Variants in RSU1 observed in about 807,000 individuals in gnomAD.
RSU1 encodes rsu-1.
Under a neutral mutation model 31.1 loss-of-function variants are expected in RSU1, and 26 were observed. That is an observed-to-expected ratio of 0.84 (90% CI 0.61 to 1.16). The LOEUF is 1.16. Among genes scored for constraint, RSU1 ranks in the 50% most tolerant of loss-of-function variants. The pLI is 0.00. For missense variants in RSU1, 320 were observed against 339.1 expected (o/e 0.94, Z 0.44); for synonymous variants, 164 against 136.3 (o/e 1.20, Z -1.41).
At chr10:16,646,134 C>G (rs1834566593) in intron 8 of RSU1, among the ~76,000 whole-genome samples, 1 of 142,146 alleles carries the variant, frequency 7.0e-6, no homozygotes, top group African/African-American at 3.0e-5. Flanking sequence ...ACAACTACAA[C>G]AAAAGCAACA....
chr10:16,734,851 T>C (rs1433454625), intron 7 of RSU1, among the ~76,000 whole-genome samples: 1 of 152,158 alleles, frequency 6.6e-6, no homozygotes, highest in Non-Finnish European at 1.5e-5. Flanking sequence ...GATGATTTAG[T>C]TAAAATGAGG....
chr10:16,618,208 G>A (rs1834011471), intron 8 of RSU1, among the ~76,000 whole-genome samples: 3 of 152,156 alleles, frequency 2.0e-5, no homozygotes, highest in Non-Finnish European at 4.4e-5. Flanking sequence ...CATTTATGCA[G>A]CCAACAAACA....
chr10:16,786,270 A>G (rs1029847169), intron 2 of RSU1, among the ~76,000 whole-genome samples: 1 of 152,182 alleles, frequency 6.6e-6, no homozygotes, highest in Non-Finnish European at 1.5e-5. Context: ...ATTTTAGCTG[A>G]CGGGTTATAA....
At position 16,763,818 on chromosome 10, in the gene RSU1, C is replaced by A. The variant is rs181474575; in HGVS notation, c.281+572G>T. On this transcript the variant is annotated intron_variant, in intron 4 of 8. Transcript: ENST00000345264. ...GAGGGTCAAGTGCTGCAAAGCAATACACAAAAATAGATTATCATTATTATT... is the reference window on the plus strand; with the variant it reads ...GAGGGTCAAGTGCTGCAAAGCAATAAACAAAAATAGATTATCATTATTATT... Among the ~76,000 whole-genome samples the A allele has an allele frequency of 5.9e-5, 9 of 152,310 alleles. No individual in the cohort carries two copies. The East Asian group carries it at 1.7e-3, about 29-fold the overall frequency.
chr10:16,772,979 G>C (rs1442646103), intron 3 of RSU1, among the ~76,000 whole-genome samples: 1 of 152,076 alleles, frequency 6.6e-6, no homozygotes, highest in Non-Finnish European at 1.5e-5. Flanking sequence ...GGCCGAGGTG[G>C]GTGGATTGCT....
intron 8 of RSU1, among the ~76,000 whole-genome samples, chr10:16,615,231 ATTCT>A (rs1833956009): frequency 6.6e-6 from 1 of 152,196 alleles, no homozygotes; most frequent in African/African-American, 2.4e-5. Flanking sequence ...AGGGGTTGCA[ATTCT>A]AGTCACTGAC....
intron 3 of RSU1, among the ~76,000 whole-genome samples, chr10:16,770,622 G>A (rs552064208): frequency 8.9e-4 from 136 of 152,330 alleles, no homozygotes; most frequent in Admixed American, 2.0e-3. Context: ...TGAAAGCCAG[G>A]GGACCCAGCC....
At chr10:16,720,692 T>A (rs1836239001) in intron 7 of RSU1, among the ~76,000 whole-genome samples, 1 of 152,264 alleles carries the variant, frequency 6.6e-6, no homozygotes, top group East Asian at 1.9e-4. Flanking sequence ...CTTGTGTGTA[T>A]GTGCATATGT....
At chr10:16,760,096 G>T (rs558072295) in intron 4 of RSU1, among the ~76,000 whole-genome samples, 1 of 152,102 alleles carries the variant, frequency 6.6e-6, no homozygotes, top group Admixed American at 6.5e-5. Flanking sequence ...TGACAACTCC[G>T]TCTATGTAGC....
At chr10:16,718,188 T>G (rs1180417199) in intron 7 of RSU1, among the ~76,000 whole-genome samples, 2 of 151,958 alleles carry the variant, frequency 1.3e-5, no homozygotes, top group Non-Finnish European at 2.9e-5. Context: ...CATTGGCACT[T>G]CTTGCTACTG....
At chr10:16,606,613 G>C (rs1024571942) in intron 8 of RSU1, among the ~76,000 whole-genome samples, 4 of 152,260 alleles carry the variant, frequency 2.6e-5, no homozygotes, top group African/African-American at 9.6e-5. Context: ...CCTGTAGTGT[G>C]CACACAGGAA....
intron 8 of RSU1, among the ~76,000 whole-genome samples, chr10:16,614,871 G>A (rs1359614680): frequency 6.6e-6 from 1 of 151,916 alleles, no homozygotes; most frequent in Non-Finnish European, 1.5e-5. Context: ...TGCCTTACAA[G>A]AGCTCCTGAG....
At chr10:16,695,186 A>T (rs757595849) in intron 7 of RSU1, 31 bp from the exon 8 acceptor site, 1 of 1,577,552 alleles carries the variant, frequency 6.3e-7, no homozygotes, top group Non-Finnish European at 8.6e-7. Context: ...AGTGAAGGTC[A>T]CTTCATCCAA....
intron 8 of RSU1, among the ~76,000 whole-genome samples, chr10:16,688,953 A>G (rs1835491817): frequency 6.8e-6 from 1 of 147,686 alleles, no homozygotes; most frequent in South Asian, 2.1e-4. Context: ...GGCTGCAGTG[A>G]GCTATCATGG....
chr10:16,611,506 G>A (rs1395419628), intron 8 of RSU1, among the ~76,000 whole-genome samples: 1 of 152,140 alleles, frequency 6.6e-6, no homozygotes, highest in Non-Finnish European at 1.5e-5. Context: ...AGTTCCCATA[G>A]ATGTCTTCAT....
rs139211937 is a variant in RSU1 at position 16,690,062 on chromosome 10, G to A, written c.731+4961C>T. Among the ~76,000 whole-genome samples the A allele has an allele frequency of 2.9e-3, 446 of 152,264 alleles. 2 individuals carry two copies. Among genetic ancestry groups the A allele is most frequent in the Non-Finnish European group, 3.2e-3 (215 of 68,022 alleles). On this transcript the variant is annotated intron_variant, in intron 8 of 8. Coordinates refer to ENST00000345264, the MANE Select transcript of RSU1 (RefSeq NM_012425.4). ...CAGTTGGTATCCACGTTCCTTGATG[G>A]AAATGTGCAAAGTGTGAGTTACCCC...
At chr10:16,631,559 G>A (rs184484403) in intron 8 of RSU1, among the ~76,000 whole-genome samples, 270 of 152,274 alleles carry the variant, frequency 1.8e-3, no homozygotes, top group Non-Finnish European at 3.0e-3. Flanking sequence ...GGGCCACCAC[G>A]ACTTAACAAA....
At chr10:16,710,883 T>C (rs1172161767) in intron 7 of RSU1, among the ~76,000 whole-genome samples, 1 of 152,184 alleles carries the variant, frequency 6.6e-6, no homozygotes, top group Non-Finnish European at 1.5e-5. Context: ...GTTCTCATTG[T>C]TCAACTCCCA....
chr10:16,778,951 T>A (rs1276530308), intron 3 of RSU1, among the ~76,000 whole-genome samples: 1 of 152,242 alleles, frequency 6.6e-6, no homozygotes, highest in Non-Finnish European at 1.5e-5. Context: ...ATCTTCAATC[T>A]GAAACTCTTC....
Sources: gnomAD v4.1 joint callset for allele counts (sites outside exome capture counted in the v4.1 genomes callset) on GRCh38, gnomAD v4.1.1 for gene constraint, MANE v1.5 for transcripts, NCBI Gene and HGNC (gene_info 2026-07-23, HGNC 2026-07-21) for gene names.